Variants in DLGAP2 observed in about 807,000 individuals in gnomAD.
The protein encoded by DLGAP2 is DLG associated protein 2.
In DLGAP2, 26 loss-of-function variants were observed where a neutral mutation model predicts 100.3. The observed-to-expected ratio is 0.26, with a 90% CI of 0.19 to 0.36. The LOEUF (loss-of-function observed/expected upper bound fraction) is 0.36, where lower values mean the gene tolerates loss of function less well. Among genes scored for constraint, DLGAP2 ranks in the 10% least tolerant of loss-of-function variants. The pLI, the probability that DLGAP2 is intolerant of heterozygous loss-of-function variation, is 1.00. For missense variants in DLGAP2, 1,858 were observed against 1,453.2 expected, an observed-to-expected ratio of 1.28 and a Z score of -4.53; for synonymous variants, 886 against 630.1, an observed-to-expected ratio of 1.41 and a Z score of -6.08.
At chr8:1,649,215 C>T (rs879564114) in intron 8 of DLGAP2, among the ~76,000 whole-genome samples, 2 of 152,104 alleles carry the variant, frequency 1.3e-5, no homozygotes, top group Non-Finnish European at 2.9e-5. Flanking sequence ...AAAAACCCAA[C>T]CAGTAAATTC....
intron 2 of DLGAP2, among the ~76,000 whole-genome samples, chr8:965,500 G>A (rs1799837378): frequency 8.0e-6 from 1 of 125,086 alleles, no homozygotes; most frequent in African/African-American, 3.3e-5. Context: ...CACCACACAG[G>A]GCTCCTGAGT....
intron 8 of DLGAP2, among the ~76,000 whole-genome samples, chr8:1,650,257 A>G (rs1258950423): frequency 6.6e-6 from 1 of 152,382 alleles, no homozygotes; most frequent in East Asian, 1.9e-4. Context: ...TTATAAAAGG[A>G]AAGGAAACAG....
At position 1,101,959 on chromosome 8, in the gene DLGAP2, G is replaced by C. The variant is rs1047933497; in HGVS notation, c.74-156892G>C. Among the ~76,000 whole-genome samples, 5 of 152,186 alleles carry C rather than the reference G, an allele frequency of 3.3e-5. No individual in the cohort carries two copies. The South Asian group carries it at 6.2e-4, about 19-fold the overall frequency. ...AACACCTAAGACAGTCAAGATGGTG[G>C]ATTTTATATTATGTTTATTTTAGCA... On this transcript the variant is annotated intron_variant, in intron 2 of 14. Coordinates refer to ENST00000637795, the MANE Select transcript of DLGAP2 (RefSeq NM_001346810.2).
intron 2 of DLGAP2, among the ~76,000 whole-genome samples, chr8:986,691 A>C (rs150858461): frequency 0.07 from 10,152 of 145,562 alleles, 482 homozygotes; most frequent in Admixed American, 0.13. Context: ...ACAGAGTCTC[A>C]CTCTGTTGCC....
intron 3 of DLGAP2, among the ~76,000 whole-genome samples, chr8:1,475,479 C>T (rs1332696029): frequency 6.6e-6 from 1 of 152,148 alleles, no homozygotes; most frequent in Non-Finnish European, 1.5e-5. Flanking sequence ...TGAGAGCACT[C>T]CGCACCCCAG....
chr8:1,501,509 G>A (rs1023352696), intron 4 of DLGAP2, 78 bp downstream of exon 4: 9 of 1,385,434 alleles, frequency 6.5e-6, no homozygotes, highest in Non-Finnish European at 8.8e-6. Flanking sequence ...CCATCATGCG[G>A]ACCGTCCCAC....
intron 2 of DLGAP2, among the ~76,000 whole-genome samples, chr8:1,084,660 G>T (rs1003205947): frequency 1.3e-5 from 2 of 152,198 alleles, no homozygotes; most frequent in East Asian, 3.8e-4. Context: ...CTTTCAGTTA[G>T]CGTGATATCC....
chr8:1,204,125 A>C (rs1797939868), intron 2 of DLGAP2, among the ~76,000 whole-genome samples: 1 of 152,262 alleles, frequency 6.6e-6, no homozygotes, highest in African/African-American at 2.4e-5. Context: ...AAAGGTTGCC[A>C]TACATGGCAG....
Position 1,515,041 on chromosome 8 carries a change from ACG to A in DLGAP2, c.172+13611_172+13612del, listed in dbSNP as rs1427595708. Among the ~76,000 whole-genome samples the A allele has an allele frequency of 1.3e-4, 20 of 151,894 alleles. No individual in the cohort carries two copies. The East Asian group carries it at 3.3e-3, about 25-fold the overall frequency. On this transcript the variant is annotated intron_variant, in intron 4 of 14. Coordinates refer to ENST00000637795, the MANE Select transcript of DLGAP2 (RefSeq NM_001346810.2). ...GGGAGACCGACGTGCAGGGAGACCA[ACG>A]TGCAGGGATACCGATCCCTGCAGGG... is the stretch of plus-strand genomic sequence containing the variant.
intron 4 of DLGAP2, among the ~76,000 whole-genome samples, chr8:1,520,299 C>T (rs746376389): frequency 1.3e-5 from 2 of 152,126 alleles, no homozygotes; most frequent in African/African-American, 4.8e-5. Flanking sequence ...CGGAGGGGAG[C>T]GATGCAATCG....
chr8:1,077,108 G>A (rs1182663571), intron 2 of DLGAP2, among the ~76,000 whole-genome samples: 2 of 152,274 alleles, frequency 1.3e-5, no homozygotes, highest in South Asian at 2.1e-4. Flanking sequence ...TTGGGGTTCC[G>A]TGGCCTGATA....
chr8:1,140,227 G>A (rs774747380), intron 2 of DLGAP2, among the ~76,000 whole-genome samples: 68 of 152,258 alleles, frequency 4.5e-4, no homozygotes, highest in African/African-American at 1.3e-3. Context: ...CGCTCGTCCC[G>A]CTCTGCCGAG....
intron 2 of DLGAP2, among the ~76,000 whole-genome samples, chr8:945,410 GA>G (rs1225424643): frequency 6.6e-6 from 1 of 152,180 alleles, no homozygotes; most frequent in African/African-American, 2.4e-5. Context: ...GTTTGACCTT[GA>G]ATACAGGTGT....
At chr8:749,377 T>G (rs1820733979) in intron 1 of DLGAP2, among the ~76,000 whole-genome samples, 1 of 152,258 alleles carries the variant, frequency 6.6e-6, no homozygotes, top group Admixed American at 6.5e-5. Flanking sequence ...TTCCGTGACC[T>G]AGAAATTATT....
chr8:832,575 A>T (rs375200416), intron 1 of DLGAP2, among the ~76,000 whole-genome samples: 3 of 152,324 alleles, frequency 2.0e-5, no homozygotes, highest in African/African-American at 7.2e-5. Context: ...AAGTTTTCTA[A>T]TGTCAGATTA....
chr8:1,234,833 C>T (rs1798609009), intron 2 of DLGAP2, among the ~76,000 whole-genome samples: 1 of 152,190 alleles, frequency 6.6e-6, no homozygotes, highest in African/African-American at 2.4e-5. Context: ...GGCGTCACGT[C>T]AGGAGTGATA....
At chr8:1,218,362 T>G (rs1798252567) in intron 2 of DLGAP2, among the ~76,000 whole-genome samples, 1 of 152,328 alleles carries the variant, frequency 6.6e-6, no homozygotes, top group African/African-American at 2.4e-5. Context: ...CTCCAGTTGC[T>G]TGTTATTGTC....
intron 3 of DLGAP2, among the ~76,000 whole-genome samples, chr8:1,477,543 G>C (rs537854033): frequency 7.2e-5 from 11 of 152,312 alleles, no homozygotes; most frequent in South Asian, 4.1e-4. Context: ...CAGCCTGAGA[G>C]CCGGCAGCCC....
At chr8:1,160,085 C>T (rs1423344820) in intron 2 of DLGAP2, among the ~76,000 whole-genome samples, 7 of 152,252 alleles carry the variant, frequency 4.6e-5, no homozygotes, top group Non-Finnish European at 1.0e-4. Flanking sequence ...GAACTTCCAT[C>T]TCCCACAGCC....
Sources: allele counts gnomAD v4.1 joint callset (sites outside exome capture counted in the v4.1 genomes callset), GRCh38; gene constraint gnomAD v4.1.1; transcripts MANE v1.5; gene names NCBI Gene and HGNC (gene_info 2026-07-23, HGNC 2026-07-21).